LAMC3: variants seen among roughly 807,000 people sequenced by gnomAD.
LAMC3 encodes laminin subunit gamma-3.
In LAMC3, 128 loss-of-function variants were observed where a neutral mutation model predicts 173.8. The ratio of observed to expected loss-of-function variants is 0.74; its 90% CI spans 0.64 to 0.85. LAMC3 has a LOEUF of 0.85. Among genes scored for constraint, LAMC3 ranks in the 40% least tolerant of loss-of-function variants. The probability of loss-of-function intolerance (pLI) is 0.00; values close to 1 mark genes in which losing one functional copy is unlikely to be tolerated. For missense variants in LAMC3, 2,022 were observed against 2,156.0 expected, an observed-to-expected ratio of 0.94 and a Z score of 1.23; for synonymous variants, 897 against 909.1, an observed-to-expected ratio of 0.99 and a Z score of 0.24.
Position 131,009,174 on chromosome 9 carries a change from G to C in LAMC3, c.-41G>C, listed in dbSNP as rs917198701. ...CGCGCGGTCCGCGCCCACCCTAGCC[G>C]AGCGGGGCCGGCAGAGCGCGCGGCG... is the stretch of plus-strand genomic sequence containing the variant. On this transcript the variant is annotated 5_prime_UTR_variant, in exon 1 of 28. Transcript: ENST00000361069. The surrounding 1 kb of genome is among the most constrained non-coding windows in gnomAD (Gnocchi z 4.3). 147 of 1,168,148 alleles carry C rather than the reference G, an allele frequency of 1.3e-4. No homozygotes were observed. Among genetic ancestry groups the C allele is most frequent in the Middle Eastern group, 3.5e-4 (1 of 2,866 alleles). The allele number at this position is 1,168,148 out of a possible 1,614,324, so 72.4% of individuals were successfully genotyped here.
Position 131,036,256 on chromosome 9 carries a change from C to T in LAMC3, c.900C>T (p.Asp300=), listed in dbSNP as rs1564369993. The T allele has an allele frequency of 6.2e-7, 1 of 1,613,276 alleles. No individual in the cohort carries two copies. The change falls in exon 4 of 28, where the codon GAC becomes GAT. Residue 300 remains aspartate, a synonymous_variant. Transcript: ENST00000361069. The stretch of plus-strand genomic sequence containing the variant: ...GCCAGCACAACACCACCGGCACAGA[C>T]TGTGAGCGCTGCCTGCCCTTCTTCC... ...CRCQHNTTGT[D]CERCLPFFQD...
chr9:131,048,143 G>A (rs541868190), intron 8 of LAMC3, among the ~76,000 whole-genome samples: 26 of 128,624 alleles, frequency 2.0e-4, no homozygotes, highest in African/African-American at 6.6e-4. Context: ...TGCAACCTCC[G>A]CCTCTCGGGT....
chr9:131,009,686 G>A lies in LAMC3; in HGVS notation c.373+99G>A. The A allele has an allele frequency of 7.1e-7, 1 of 1,413,186 alleles. No homozygotes were observed. The highest frequency in any genetic ancestry group is 9.6e-7 in the Non-Finnish European group (1 of 1,039,014). 87.5% of individuals were successfully genotyped at this position (1,413,186 alleles called of 1,614,324 possible). On this transcript the variant is annotated intron_variant, in intron 1 of 27. Transcript: ENST00000361069. The surrounding 1 kb of genome is among the most constrained non-coding windows in gnomAD (Gnocchi z 4.3). ...AGCTGCTGTGCGCCCAGGTTGGGCT[G>A]CAGGACCCAGATATGGTGTTGGATG...
intron 2 of LAMC3, among the ~76,000 whole-genome samples, chr9:131,030,410 TG>T (rs1379982178): frequency 1.3e-5 from 2 of 152,272 alleles, no homozygotes; most frequent in East Asian, 3.9e-4. Flanking sequence ...TGGGAGACCT[TG>T]GGCAGGTCAT....
chr9:131,011,996 C>G (rs1368464585), intron 1 of LAMC3, among the ~76,000 whole-genome samples: 1 of 151,556 alleles, frequency 6.6e-6, no homozygotes, highest in Non-Finnish European at 1.5e-5. Flanking sequence ...TGGTTCTGAT[C>G]CTTCTAAAAG....
chr9:131,024,421 C>G (rs1490773842), intron 1 of LAMC3, among the ~76,000 whole-genome samples: 1 of 152,176 alleles, frequency 6.6e-6, no homozygotes, highest in East Asian at 1.9e-4. Flanking sequence ...GCTAGGATTA[C>G]AGGCATGAGC....
At chr9:131,032,489 TCTCGCTCTCTCTCA>T (rs1170944724) in intron 3 of LAMC3, among the ~76,000 whole-genome samples, 4 of 151,152 alleles carry the variant, frequency 2.6e-5, no homozygotes, top group African/African-American at 7.3e-5. Flanking sequence ...TTTCTCTCGC[TCTCGCTCTCTCTCA>T]CTCGCTCTCT....
rs558233498 is a variant in LAMC3 at position 131,073,230 on chromosome 9, C to T, written c.3418-15C>T. On this transcript the variant is annotated splice_polypyrimidine_tract_variant and intron_variant, in intron 19 of 27. Coordinates refer to ENST00000361069, the MANE Select transcript of LAMC3 (RefSeq NM_006059.4). Reference sequence around the variant, plus strand: ...ATGGGCCATCAGTTTCCTCCTCTTCCTCTTCTTTCTACAGGAGATTCCTCA... The same window carrying T: ...ATGGGCCATCAGTTTCCTCCTCTTCTTCTTCTTTCTACAGGAGATTCCTCA... 3.7e-6 allele frequency: 6 copies of T among 1,605,696 alleles called. No individual in the cohort carries two copies. In the East Asian group the frequency reaches 1.3e-4, roughly 36 times the overall value.
At chr9:131,046,619 C>T (rs1284634101) in intron 8 of LAMC3, among the ~76,000 whole-genome samples, 1 of 147,596 alleles carries the variant, frequency 6.8e-6, no homozygotes, top group Non-Finnish European at 1.5e-5. Context: ...CCCACCTCGG[C>T]TTCCCAAAGT....
chr9:131,021,478 A>G (rs971328232), intron 1 of LAMC3, among the ~76,000 whole-genome samples: 3 of 152,112 alleles, frequency 2.0e-5, no homozygotes, highest in Non-Finnish European at 4.4e-5. Context: ...TAATACATAT[A>G]TATAACTGTG....
chr9:131,088,597 C>T (rs1413819715), intron 27 of LAMC3, among the ~76,000 whole-genome samples: 1 of 152,164 alleles, frequency 6.6e-6, no homozygotes, highest in East Asian at 1.9e-4. Context: ...TAATATTTTC[C>T]ATCTTAACCA....
intron 5 of LAMC3, 29 bp downstream of exon 5, chr9:131,039,081 G>T: frequency 6.2e-7 from 1 of 1,612,410 alleles, no homozygotes. Context: ...CCCAGCCTCC[G>T]ACCCTCTCCC....
intron 20 of LAMC3, 145 bp from the exon 21 acceptor site, chr9:131,075,686 C>A: frequency 1.2e-6 from 1 of 851,672 alleles, no homozygotes; most frequent in Non-Finnish European, 1.8e-6. Flanking sequence ...GTGCGTAACA[C>A]AGAAAGGTGG....
chr9:131,075,932 T>C lies in LAMC3; in HGVS notation c.3596T>C (p.Val1199Ala), dbSNP rs1179660708. The change falls in exon 21 of 28, where the codon GTG becomes GCG. Residue 1199 changes from valine (V) to alanine (A), a missense_variant. Coordinates refer to ENST00000361069, the MANE Select transcript of LAMC3 (RefSeq NM_006059.4). ...CTCTGGAATCTGCTGGAGGGAAGGG[T>C]GGCCCTAGAGACCCAGCGGGACCTG... ...ALLWNLLEGR[V>A]ALETQRDLED... is the part of the protein sequence containing the mutation. 1.2e-6 allele frequency: 2 copies of C among 1,610,242 alleles called. No individual in the cohort carries two copies. The highest frequency in any genetic ancestry group is 1.7e-6 in the Non-Finnish European group (2 of 1,177,788).
At chr9:131,074,024 G>A (rs1371291192) in intron 20 of LAMC3, among the ~76,000 whole-genome samples, 4 of 140,104 alleles carry the variant, frequency 2.9e-5, no homozygotes, top group African/African-American at 1.1e-4. Flanking sequence ...TCGGCTCACT[G>A]CAAGCTCCGC....
At chr9:131,035,959 A>T (rs1260532646) in intron 3 of LAMC3, among the ~76,000 whole-genome samples, 1 of 152,192 alleles carries the variant, frequency 6.6e-6, no homozygotes, top group Non-Finnish European at 1.5e-5. Context: ...AGGCTGGTGA[A>T]GATGGAATGG....
rs1023854905 is a variant in LAMC3 at position 131,085,786 on chromosome 9, G to A, written c.4230+63G>A. ...CTCCCGGGGGGACCGCCCTTCCGCGGGCCCCTTCCCGACATCCGTGCTGAC... is the reference window on the plus strand; with the variant it reads ...CTCCCGGGGGGACCGCCCTTCCGCGAGCCCCTTCCCGACATCCGTGCTGAC... On this transcript the variant is annotated intron_variant, in intron 25 of 27. Transcript: ENST00000361069. 1.2e-5 allele frequency: 18 copies of A among 1,526,214 alleles called. No individual in the cohort carries two copies. The African/African-American group carries it at 1.8e-4, about 15-fold the overall frequency. 94.5% of individuals were successfully genotyped at this position (1,526,214 alleles called of 1,614,324 possible).
intron 7 of LAMC3, among the ~76,000 whole-genome samples, chr9:131,045,094 C>T (rs1475125676): frequency 2.6e-5 from 4 of 151,886 alleles, no homozygotes; most frequent in Non-Finnish European, 5.9e-5. Flanking sequence ...TGGTGGCAGG[C>T]GCCTGCAATC....
intron 21 of LAMC3, among the ~76,000 whole-genome samples, chr9:131,076,737 G>A (rs1830135231): frequency 6.6e-6 from 1 of 152,072 alleles, no homozygotes; most frequent in African/African-American, 2.4e-5. Flanking sequence ...AGGGCCCACA[G>A]GGATTCTGCA....
Sources: allele counts gnomAD v4.1 joint callset (sites outside exome capture counted in the v4.1 genomes callset), GRCh38; gene constraint gnomAD v4.1.1; non-coding constraint Gnocchi (gnomAD v3.1); transcripts MANE v1.5; gene names NCBI Gene and HGNC (gene_info 2026-07-23, HGNC 2026-07-21).